The following CRY1 variants were observed in gnomAD, a reference collection of about 807,000 sequenced individuals.
CRY1 encodes cryptochrome-1.
A neutral mutation model predicts 76.0 loss-of-function variants in CRY1; 45 were observed. The observed-to-expected ratio is 0.59, with a 90% CI of 0.47 to 0.76. The LOEUF is 0.76. CRY1 is among the 30% of genes least tolerant of loss of function. The pLI is 0.00. For synonymous variants in CRY1, 248 were observed against 244.0 expected (o/e 1.02, Z -0.15); for missense variants, 587 against 716.4 (o/e 0.82, Z 2.06).
At chr12:107,053,463 T>C (rs1031281263) in intron 1 of CRY1, among the ~76,000 whole-genome samples, 3 of 152,108 alleles carry the variant, frequency 2.0e-5, no homozygotes, top group African/African-American at 4.8e-5. Flanking sequence ...ATTACAGGCA[T>C]GTGCCACCAC....
intron 1 of CRY1, among the ~76,000 whole-genome samples, chr12:107,053,732 C>G (rs996281053): frequency 1.1e-4 from 17 of 152,156 alleles, no homozygotes; most frequent in African/African-American, 3.6e-4. Context: ...TTTCAAGGAG[C>G]ACTGTAAATC....
chr12:107,001,707 G>T, intron 4 of CRY1, 57 bp downstream of exon 4: 2 of 1,397,886 alleles, frequency 1.4e-6, no homozygotes, highest in Non-Finnish European at 9.5e-7. Context: ...GGAATTTTCT[G>T]AGTAATTTAT....
chr12:107,030,589 G>A (rs887199729), intron 1 of CRY1, among the ~76,000 whole-genome samples: 1 of 152,076 alleles, frequency 6.6e-6, no homozygotes, highest in Non-Finnish European at 1.5e-5. Flanking sequence ...GTCAAAACAG[G>A]TCACATGGCC....
intron 2 of CRY1, among the ~76,000 whole-genome samples, chr12:107,007,351 G>A (rs1952386522): frequency 2.0e-5 from 3 of 152,070 alleles, no homozygotes; most frequent in Admixed American, 2.0e-4. Context: ...AGTAAGTAAG[G>A]TGCAGAGAGA....
chr12:107,060,128 T>C (rs1325873294), intron 1 of CRY1, among the ~76,000 whole-genome samples: 2 of 152,164 alleles, frequency 1.3e-5, no homozygotes, highest in East Asian at 3.8e-4. Flanking sequence ...CCCAATATAG[T>C]ATGCTAAGTA....
intron 2 of CRY1, among the ~76,000 whole-genome samples, chr12:107,006,911 T>G (rs1225655054): frequency 5.9e-5 from 9 of 152,180 alleles, no homozygotes; most frequent in Admixed American, 5.9e-4. Context: ...CCCAAAGTGC[T>G]GGGATTACAG....
At chr12:107,058,336 G>C (rs1327026082) in intron 1 of CRY1, among the ~76,000 whole-genome samples, 1 of 152,072 alleles carries the variant, frequency 6.6e-6, no homozygotes, top group Non-Finnish European at 1.5e-5. Flanking sequence ...TTAAATAGGA[G>C]TGTACAAACC....
At chr12:107,058,931 G>A (rs79545750) in intron 1 of CRY1, among the ~76,000 whole-genome samples, 13 of 152,248 alleles carry the variant, frequency 8.5e-5, no homozygotes, top group Non-Finnish European at 1.6e-4. Context: ...AATCAATCAC[G>A]TTTTATATTA....
At chr12:107,062,708 C>T (rs1024214961) in intron 1 of CRY1, among the ~76,000 whole-genome samples, 1 of 152,072 alleles carries the variant, frequency 6.6e-6, no homozygotes, top group African/African-American at 2.4e-5. Flanking sequence ...AATATATATT[C>T]AAGCCAGTAT....
chr12:107,074,058 T>C (rs12313134), intron 1 of CRY1, among the ~76,000 whole-genome samples: 2,214 of 152,294 alleles, frequency 0.015, 66 homozygotes, highest in African/African-American at 0.051. Flanking sequence ...GACTCCTCCT[T>C]TTCCAAAAAC....
At chr12:106,994,742 A>AT (rs1357410397) in intron 10 of CRY1, among the ~76,000 whole-genome samples, 1 of 152,228 alleles carries the variant, frequency 6.6e-6, no homozygotes, top group Non-Finnish European at 1.5e-5. Flanking sequence ...ATTGTGTATT[A>AT]GCCCAACCCT....
intron 1 of CRY1, among the ~76,000 whole-genome samples, chr12:107,070,433 A>C (rs535382122): frequency 3.4e-4 from 52 of 151,046 alleles, no homozygotes; most frequent in Admixed American, 5.3e-4. Context: ...GTTTTGCATG[A>C]ACACACAGTT....
chr12:107,019,747 G>C (rs1952533071), intron 2 of CRY1, among the ~76,000 whole-genome samples: 4 of 151,918 alleles, frequency 2.6e-5, no homozygotes, highest in Non-Finnish European at 4.4e-5. Context: ...GAGCAACATA[G>C]CAAGACTACC....
chr12:107,010,902 C>T (rs939056858), intron 2 of CRY1, among the ~76,000 whole-genome samples: 2 of 152,184 alleles, frequency 1.3e-5, no homozygotes, highest in Non-Finnish European at 2.9e-5. Flanking sequence ...CTCCTCAGGC[C>T]TCCTTATTCC....
At chr12:106,995,407 T>C (rs988236694) in intron 10 of CRY1, among the ~76,000 whole-genome samples, 38 of 152,326 alleles carry the variant, frequency 2.5e-4, no homozygotes, top group African/African-American at 8.9e-4. Flanking sequence ...ACTTAGAACA[T>C]CTGACTTAAA....
chr12:107,091,541 C>A (rs1157473209), intron 1 of CRY1, among the ~76,000 whole-genome samples: 2 of 152,146 alleles, frequency 1.3e-5, no homozygotes, highest in African/African-American at 4.8e-5. Context: ...CAATTCAGAA[C>A]CACAAGCAGA....
rs188534762 is a variant in CRY1 at position 107,020,843 on chromosome 12, C to T, written c.267+1241G>A. ...GCAATGAGGAAACTCAGTTTCTGGT[C>T]TGGGCATTTCCATGAGCTAGTTGTA... On this transcript the variant is annotated intron_variant, in intron 2 of 12. Coordinates refer to ENST00000008527, the MANE Select transcript of CRY1 (RefSeq NM_004075.5). 3.1e-3 allele frequency among the ~76,000 whole-genome samples: 478 copies of T among 152,300 alleles called. 3 individuals are homozygous for T. The highest frequency in any genetic ancestry group is 5.6e-3 in the Admixed American group (86 of 15,306).
At chr12:107,063,340 T>C (rs185119079) in intron 1 of CRY1, among the ~76,000 whole-genome samples, 14 of 152,302 alleles carry the variant, frequency 9.2e-5, no homozygotes, top group African/African-American at 3.1e-4. Context: ...TAAATATTCT[T>C]GGTTGAGTTG....
chr12:107,002,573 A>G (rs1952324468), intron 3 of CRY1, among the ~76,000 whole-genome samples: 1 of 152,144 alleles, frequency 6.6e-6, no homozygotes, highest in Non-Finnish European at 1.5e-5. Context: ...TTCCAAATAA[A>G]ATACAATTTT....
Sources: allele counts gnomAD v4.1 joint callset (sites outside exome capture counted in the v4.1 genomes callset), GRCh38; gene constraint gnomAD v4.1.1; transcripts MANE v1.5; gene names NCBI Gene and HGNC (gene_info 2026-07-23, HGNC 2026-07-21).